The following DNHD1 variants were observed in gnomAD, a reference collection of about 807,000 sequenced individuals.
The protein encoded by DNHD1 is dynein heavy chain domain-containing protein 1.
DNHD1 carries 383 observed loss-of-function variants against 458.1 expected under a neutral mutation model. The observed-to-expected ratio is 0.84, with a 90% confidence interval of 0.77 to 0.91. The LOEUF is 0.91. Ranked by LOEUF, DNHD1 falls within the 40% of genes least tolerant of loss-of-function variation. The probability of loss-of-function intolerance (pLI) is 0.00; values close to 1 mark genes in which losing one functional copy is unlikely to be tolerated. For synonymous variants in DNHD1, 2,203 were observed against 2,376.9 expected (o/e 0.93, Z 2.13); for missense variants, 5,336 against 5,866.1 (o/e 0.91, Z 2.95).
intron 28 of DNHD1, among the ~76,000 whole-genome samples, chr11:6,560,473 AG>A (rs1168567603): frequency 1.3e-5 from 2 of 152,222 alleles, no homozygotes; most frequent in African/African-American, 4.8e-5. Context: ...TAAGTTGCAA[AG>A]AAAGAAAAGA....
chr11:6,534,941 C>T (rs1852913533), intron 14 of DNHD1, among the ~76,000 whole-genome samples: 1 of 152,128 alleles, frequency 6.6e-6, no homozygotes, highest in Non-Finnish European at 1.5e-5. Context: ...GAGATGAGGA[C>T]TCACTTTGTT....
intron 4 of DNHD1, among the ~76,000 whole-genome samples, chr11:6,506,544 T>C (rs980739188): frequency 1.3e-5 from 2 of 152,252 alleles, no homozygotes; most frequent in African/African-American, 2.4e-5. Context: ...TATATTTATT[T>C]ATTTGCCATG....
chr11:6,498,051 A>G lies in DNHD1; in HGVS notation c.-165A>G. 1.1e-6 allele frequency: 1 copy of G among 919,706 alleles called. No individual in the cohort carries two copies. The highest frequency in any genetic ancestry group is 1.7e-6 in the Non-Finnish European group (1 of 596,986). 57.0% of individuals were successfully genotyped at this position (919,706 alleles called of 1,614,324 possible). On this transcript the variant is annotated 5_prime_UTR_variant, in exon 3 of 43. Coordinates refer to ENST00000254579, the MANE Select transcript of DNHD1 (RefSeq NM_144666.3). ...CAGGTCCTTTCTTCCTCCTAACCCC[A>G]TTGACTCTGACCATCCCCTGCCCAG...
rs1400164958 is a variant in DNHD1 at position 6,557,839 on chromosome 11, G to A, written c.8544G>A (p.Gln2848=). 3 of 1,551,054 alleles carry A rather than the reference G, an allele frequency of 1.9e-6. No individual in the cohort carries two copies. In the African/African-American group the frequency reaches 4.1e-5, roughly 21 times the overall value. ...GACAGTGGGAGAAGCTAGAGGAGCA[G>A]TTGGCCACCTCAGCTGCTCAACTGA... ...LERQWEKLEE[Q]LATSAAQLKL... Residue 2848 remains glutamine, a synonymous_variant, in exon 25 of 43, where the codon CAG becomes CAA. Coordinates refer to ENST00000254579, the MANE Select transcript of DNHD1 (RefSeq NM_144666.3).
intron 10 of DNHD1, 31 bp downstream of exon 10, chr11:6,520,320 A>G: frequency 2.6e-6 from 4 of 1,551,514 alleles, no homozygotes; most frequent in Non-Finnish European, 3.5e-6. Flanking sequence ...AGGGGGTAGG[A>G]AGGCTGAAGG....
At chr11:6,519,442 G>A (rs184907410) in intron 7 of DNHD1, among the ~76,000 whole-genome samples, 158 bp from the exon 8 acceptor site, 1 of 152,206 alleles carries the variant, frequency 6.6e-6, no homozygotes, top group African/African-American at 2.4e-5. Context: ...AAAATTTGAG[G>A]GGGTGGGGTA....
intron 10 of DNHD1, among the ~76,000 whole-genome samples, chr11:6,523,419 G>A (rs4758426): frequency 0.44 from 66,811 of 151,694 alleles, 15,727 homozygotes; most frequent in Non-Finnish European, 0.53. Context: ...TTTCCTTGCC[G>A]CTCTGTGAGA....
rs144409872 is a variant in DNHD1 at position 6,558,432 on chromosome 11, G to A, written c.9003-53G>A. On this transcript the variant is annotated intron_variant, in intron 25 of 42. Coordinates refer to ENST00000254579, the MANE Select transcript of DNHD1 (RefSeq NM_144666.3). The stretch of plus-strand genomic sequence containing the variant: ...AGTGGTCTGGCTGGGACTGGGGCCA[G>A]GAGGGGCAAGCAAAGGTAAAGGGGA... The A allele has an allele frequency of 3.9e-6, 6 of 1,546,152 alleles. No individual in the cohort carries two copies. In the African/African-American group the frequency reaches 6.8e-5, roughly 18 times the overall value.
intron 7 of DNHD1, among the ~76,000 whole-genome samples, chr11:6,512,097 T>A (rs1852344183): frequency 6.6e-6 from 1 of 152,112 alleles, no homozygotes; most frequent in Non-Finnish European, 1.5e-5. Context: ...TTGAGCCAGG[T>A]TTTGGGTTCT....
chr11:6,548,840 G>A lies in DNHD1; in HGVS notation c.7294G>A (p.Gly2432Ser). 4 of 1,551,632 alleles carry A rather than the reference G, an allele frequency of 2.6e-6. No individual in the cohort carries two copies. Among genetic ancestry groups the A allele is most frequent in the Non-Finnish European group, 3.5e-6 (4 of 1,146,986 alleles). ...LRLLLSRGIQ[G>S]QTQASPQPGH... ...TCTCCTGCTGAGCAGAGGAATCCAG[G>A]GCCAAACACAAGCCAGCCCACAGCC... is the stretch of plus-strand genomic sequence containing the variant. Residue 2432 changes from glycine (G) to serine (S), a missense_variant, in exon 24 of 43, where the codon GGC becomes AGC. Coordinates refer to ENST00000254579, the MANE Select transcript of DNHD1 (RefSeq NM_144666.3). The surrounding 1 kb of genome is among the most constrained non-coding windows in gnomAD (Gnocchi z 4.4).
At chr11:6,539,155 T>TG (rs1356704343) in intron 16 of DNHD1, 64 bp from the exon 17 acceptor site, 9 of 1,152,154 alleles carry the variant, frequency 7.8e-6, no homozygotes, top group Non-Finnish European at 1.0e-5. Context: ...CTCTGGGATA[T>TG]GGGATATGGG....
At chr11:6,541,027 G>T (rs900508295) in intron 18 of DNHD1, among the ~76,000 whole-genome samples, 6 of 152,186 alleles carry the variant, frequency 3.9e-5, no homozygotes, top group African/African-American at 1.4e-4. Context: ...TTTCTGCAAA[G>T]TTGGGCAGCA....
In DNHD1 at chr11:6,567,880, G is replaced by A. The variant is rs1360802170; in HGVS notation, c.12351+20G>A. Reference sequence around the variant, plus strand: ...CAGCAGGTTTGAACCTAGTTTCTTGGCCACAGAGTGACCAGGCTCCTGTGG... The same window carrying A: ...CAGCAGGTTTGAACCTAGTTTCTTGACCACAGAGTGACCAGGCTCCTGTGG... On this transcript the variant is annotated intron_variant, in intron 36 of 42. Transcript: ENST00000254579. 1 of 1,592,104 alleles carries A rather than the reference G, an allele frequency of 6.3e-7. No individual in the cohort carries two copies. Among genetic ancestry groups the A allele is most frequent in the South Asian group, 1.1e-5 (1 of 88,022 alleles).
chr11:6,520,083 T>A lies in DNHD1; in HGVS notation c.1766T>A (p.Val589Asp). 6.2e-7 allele frequency: 1 copy of A among 1,614,188 alleles called. No homozygotes were observed. The change falls in exon 9 of 43, where the codon GTC becomes GAC. Residue 589 changes from valine (V) to aspartate (D), a missense_variant. This residue lies in a region of DNHD1 where 3,932 missense variants were observed against 4,365.6 expected (regional missense o/e 0.90). Coordinates refer to ENST00000254579, the MANE Select transcript of DNHD1 (RefSeq NM_144666.3). ...ACTCTAACTGGAGGCCTACAGTCTGTCAAGACCTCTGCCTTGCAGGTATTC... is the reference window on the plus strand; with the variant it reads ...ACTCTAACTGGAGGCCTACAGTCTGACAAGACCTCTGCCTTGCAGGTATTC... ...IQTLTGGLQS[V>D]KTSALQVVQS...
Position 6,528,587 on chromosome 11 carries a change from G to A in DNHD1, c.1903G>A (p.Asp635Asn), listed in dbSNP as rs551218756. The part of the protein sequence containing the change: ...LMPKFQGQPS[D>N]AVSIFCGPNV... ...GCCCAAGTTCCAGGGCCAGCCCAGC[G>A]ATGCTGTGAGCATCTTCTGTGGCCC... The change falls in exon 11 of 43, where the codon GAT becomes AAT. Residue 635 changes from aspartate to asparagine, a missense_variant. Physicochemically the swap from Asp to Asn is conservative, Grantham distance 23. Around this residue, in one of 4 missense-constraint regions of DNHD1, gnomAD observed 3,932 missense variants for 4,365.6 expected, o/e 0.90. Coordinates refer to ENST00000254579, the MANE Select transcript of DNHD1 (RefSeq NM_144666.3). The A allele has an allele frequency of 2.3e-5, 35 of 1,551,592 alleles. No homozygotes were observed. The highest frequency in any genetic ancestry group is 3.3e-4 in the Middle Eastern group (2 of 6,012).
Position 6,564,432 on chromosome 11 carries a change from C to T in DNHD1, c.10384C>T (p.Leu3462=), listed in dbSNP as rs1210543601. The change falls in exon 32 of 43, where the codon CTA becomes TTA. Residue 3462 remains leucine, a synonymous_variant. Transcript: ENST00000254579. ...CTTCCCACCATTGCGGCGCCAAGAGCTACTGGACGAGTGGTTAGCTCTGTG... is the reference window on the plus strand; with the variant it reads ...CTTCCCACCATTGCGGCGCCAAGAGTTACTGGACGAGTGGTTAGCTCTGTG... The part of the protein sequence containing the change: ...GPFPPLRRQE[L]LDEWLALCRG... 6 of 1,551,752 alleles carry T rather than the reference C, an allele frequency of 3.9e-6. No homozygotes were observed. Among genetic ancestry groups the T allele is most frequent in the Admixed American group, 3.9e-5 (2 of 51,002 alleles).
At chr11:6,504,456 T>C (rs934296391) in intron 4 of DNHD1, among the ~76,000 whole-genome samples, 1 of 152,228 alleles carries the variant, frequency 6.6e-6, no homozygotes, top group African/African-American at 2.4e-5. Flanking sequence ...CACTTTCTTT[T>C]TGTCTTTTTT....
At chr11:6,528,845 T>A in intron 11 of DNHD1, 33 bp from the exon 12 acceptor site, 1 of 1,550,458 alleles carries the variant, frequency 6.4e-7, no homozygotes, top group Admixed American at 2.0e-5. Flanking sequence ...TATAGCCGCA[T>A]GCCTCTGCCC....
rs998705858 is a variant in DNHD1 at position 6,522,188 on chromosome 11, G to GT, written c.1837+1909dup. Among the ~76,000 whole-genome samples the GT allele has an allele frequency of 9.7e-3, 1,447 of 149,078 alleles. 11 individuals are homozygous for GT. Among genetic ancestry groups the GT allele is most frequent in the Admixed American group, 0.017 (249 of 14,952 alleles). On this transcript the variant is annotated intron_variant, in intron 10 of 42. Transcript: ENST00000254579. ...CCTTTGCCCACTTTTTAATGGGGCTGTTTTTTTTTTCTTGTAAGTTTGTTT... is the reference window on the plus strand; with the variant it reads ...CCTTTGCCCACTTTTTAATGGGGCTGTTTTTTTTTTTCTTGTAAGTTTGTTT...
Sources: allele counts gnomAD v4.1 joint callset (sites outside exome capture counted in the v4.1 genomes callset), GRCh38; gene constraint gnomAD v4.1.1; regional missense constraint gnomAD v4.1.1; non-coding constraint Gnocchi (gnomAD v3.1); transcripts MANE v1.5; gene names NCBI Gene and HGNC (gene_info 2026-07-23, HGNC 2026-07-21).